Variants in ANKRD16 observed in about 807,000 individuals in gnomAD.
ANKRD16 encodes ankyrin repeat domain-containing protein 16.
In ANKRD16, 35 loss-of-function variants were observed where a neutral mutation model predicts 37.9. The observed-to-expected ratio is 0.92, with a 90% CI of 0.71 to 1.23. The LOEUF is 1.23. ANKRD16 is among the 50% of genes most tolerant of loss of function. The pLI is 0.00. For synonymous variants in ANKRD16, 206 were observed against 197.2 expected (o/e 1.04, Z -0.37); for missense variants, 480 against 469.9 (o/e 1.02, Z -0.20).
In ANKRD16 at chr10:5,869,916, C is replaced by CA. The variant is rs1186169241; in HGVS notation, c.*34-7226dup. Among the ~76,000 whole-genome samples the CA allele has an allele frequency of 1.3e-5, 2 of 152,248 alleles. No homozygotes were observed. The highest frequency in any genetic ancestry group is 3.9e-4 in the East Asian group (2 of 5,182). The stretch of plus-strand genomic sequence containing the variant: ...CTGCAGTAAGGATCGCATCACTTAG[C>CA]ATGGTATCCAGTAGGTAGTTTTTTT... On this transcript the variant is annotated intron_variant, in intron 7 of 7. Transcript: ENST00000380094. The surrounding 1 kb of genome is among the most constrained non-coding windows in gnomAD (Gnocchi z 4.0).
intron 7 of ANKRD16, among the ~76,000 whole-genome samples, chr10:5,872,585 C>T (rs1300290305): frequency 3.3e-5 from 5 of 152,140 alleles, no homozygotes; most frequent in African/African-American, 1.2e-4. Flanking sequence ...GAGATGGAAT[C>T]TCACTCTGTT....
chr10:5,886,229 G>A (rs910068926), intron 2 of ANKRD16, among the ~76,000 whole-genome samples: 5 of 152,170 alleles, frequency 3.3e-5, no homozygotes, highest in African/African-American at 1.2e-4. Flanking sequence ...CTCCAGGGGA[G>A]AAACTGGTCA....
chr10:5,880,783 G>GCAGCTTTCTGCATGACT (rs1280670931), intron 5 of ANKRD16, among the ~76,000 whole-genome samples: 1 of 152,166 alleles, frequency 6.6e-6, no homozygotes, highest in African/African-American at 2.4e-5. Context: ...AAAAGGAAAG[G>GCAGCTTTCTGCATGACT]CAGCTTTCTG....
rs114139780 is a variant in ANKRD16 at position 5,886,177 on chromosome 10, G to A, written c.536-412C>T. On this transcript the variant is annotated intron_variant, in intron 2 of 7. Coordinates refer to ENST00000380094, the MANE Select transcript of ANKRD16 (RefSeq NM_019046.3). ...CTATACTCAAAGGTTATGACTATTT[G>A]TCTTCCACTATTTTGGGTGAATGAT... 3.7e-3 allele frequency among the ~76,000 whole-genome samples: 571 copies of A among 152,308 alleles called. 4 individuals are homozygous for A. The highest frequency in any genetic ancestry group is 0.013 in the African/African-American group (541 of 41,560).
In ANKRD16 at chr10:5,870,404, CTTTT is replaced by C. The variant is rs771792284; in HGVS notation, c.*33+7689_*33+7692del. On this transcript the variant is annotated intron_variant, in intron 7 of 7. Transcript: ENST00000380094. This position sits in a 1 kb window ranked among gnomAD's most constrained non-coding sequence, Gnocchi z 5.0. ...GCCAGTCCTCATTCCCTCCCTACTG[CTTTT>C]TTTTTTTTTTTTTGAAACAGGGTTT... Among the ~76,000 whole-genome samples the C allele has an allele frequency of 1.5e-5, 2 of 136,950 alleles. No homozygotes were observed. The highest frequency in any genetic ancestry group is 3.2e-5 in the Non-Finnish European group (2 of 62,746). 89.8% of individuals were successfully genotyped at this position (136,950 alleles called of 152,430 possible).
At chr10:5,884,986 T>C (rs1282570653) in intron 3 of ANKRD16, among the ~76,000 whole-genome samples, 3 of 152,156 alleles carry the variant, frequency 2.0e-5, no homozygotes, top group East Asian at 3.8e-4. Flanking sequence ...TGAGATTCTT[T>C]ACTCTTAAGC....
rs554266024 is a variant in ANKRD16, at chr10:5,872,835, C to T, written c.*33+5262G>A. Among the ~76,000 whole-genome samples, 11 of 151,590 alleles carry T rather than the reference C, an allele frequency of 7.3e-5. No homozygotes were observed. The East Asian group carries it at 7.9e-4, about 11-fold the overall frequency. On this transcript the variant is annotated intron_variant, in intron 7 of 7. Coordinates refer to ENST00000380094, the MANE Select transcript of ANKRD16 (RefSeq NM_019046.3). ...CCTCCCAAAGTGCTGGCATTACAGG[C>T]GTGAGCCACCGCGCCCGGCCCTGCA...
chr10:5,888,881 A>C (rs1842513969), intron 1 of ANKRD16, among the ~76,000 whole-genome samples, 160 bp downstream of exon 1: 1 of 152,208 alleles, frequency 6.6e-6, no homozygotes, highest in African/African-American at 2.4e-5. Context: ...CTGCGTTATA[A>C]GGGAAAGTTG....
rs1842001757 is a variant in ANKRD16 at position 5,865,597 on chromosome 10, TC to T, written c.*34-2907del. 6.6e-6 allele frequency among the ~76,000 whole-genome samples: 1 copy of T among 152,216 alleles called. No homozygotes were observed. Among genetic ancestry groups the T allele is most frequent in the Non-Finnish European group, 1.5e-5 (1 of 68,030 alleles). ...TCAAGGTCTGTTACCATCCAAGGAA[TC>T]CTGGGACAGCCTATAACCAGGTATT... On this transcript the variant is annotated intron_variant, in intron 7 of 7. Coordinates refer to ENST00000380094, the MANE Select transcript of ANKRD16 (RefSeq NM_019046.3). This position sits in a 1 kb window ranked among gnomAD's most constrained non-coding sequence, Gnocchi z 4.7.
intron 3 of ANKRD16, among the ~76,000 whole-genome samples, chr10:5,884,905 G>A (rs1460683255): frequency 6.6e-6 from 1 of 152,142 alleles, no homozygotes; most frequent in Non-Finnish European, 1.5e-5. Context: ...TTGCTGTCTG[G>A]AATGGTCCCT....
chr10:5,881,443 T>TAA (rs1564417914), intron 5 of ANKRD16, among the ~76,000 whole-genome samples: 17 of 6,502 alleles, frequency 2.6e-3, no homozygotes, highest in African/African-American at 5.9e-3. Context: ...ATTATTTATA[T>TAA]ATATATATAT....
chr10:5,881,941 C>A (rs1055707516), intron 5 of ANKRD16, among the ~76,000 whole-genome samples: 4 of 152,018 alleles, frequency 2.6e-5, no homozygotes, highest in African/African-American at 9.7e-5. Context: ...CCTGCCTCAG[C>A]CTCCCAAAGT....
intron 4 of ANKRD16, 118 bp downstream of exon 4, chr10:5,883,851 G>A (rs934899902): frequency 9.0e-6 from 7 of 780,546 alleles, no homozygotes; most frequent in Non-Finnish European, 1.4e-5. Context: ...TCCAGAGAGA[G>A]AGTTTGGAGG....
chr10:5,887,627 A>G (rs1173930180), intron 2 of ANKRD16, among the ~76,000 whole-genome samples: 1 of 151,636 alleles, frequency 6.6e-6, no homozygotes, highest in Non-Finnish European at 1.5e-5. Flanking sequence ...CAGGTGATCC[A>G]CCCGCCTCCG....
rs1284226750 is a variant in ANKRD16 at position 5,878,161 on chromosome 10, A to G, written c.1055T>C (p.Leu352Pro). ...CATTGCGCTATGGCCAGAGCCCTGA[A>G]GGACATCTGCTCTCCTTGGGAGCTG... ...AQQLPRRADV[L>P]QGSGHSAMT The change falls in exon 7 of 8, where the codon CTT becomes CCT. Residue 352 changes from leucine to proline, a missense_variant. Coordinates refer to ENST00000380094, the MANE Select transcript of ANKRD16 (RefSeq NM_019046.3). The surrounding 1 kb of genome is among the most constrained non-coding windows in gnomAD (Gnocchi z 5.1). 1 of 1,614,184 alleles carries G rather than the reference A, an allele frequency of 6.2e-7. No homozygotes were observed.
In ANKRD16 at chr10:5,883,070, A is replaced by G. The variant is rs1158413019; in HGVS notation, c.785T>C (p.Leu262Pro). ...DEAIRFLVSE[L>P]GVDVDVRATS... ...GGCTCTCACATCTACATCGACGCCA[A>G]GTTCAGAGACCAAGAATCGGATGGC... The change falls in exon 5 of 8, where the codon CTT becomes CCT. Residue 262 changes from leucine to proline, a missense_variant. By Grantham distance (98) the Leu-to-Pro change is moderately conservative. Coordinates refer to ENST00000380094, the MANE Select transcript of ANKRD16 (RefSeq NM_019046.3). 1.2e-6 allele frequency: 2 copies of G among 1,614,076 alleles called. No homozygotes were observed. Among genetic ancestry groups the G allele is most frequent in the African/African-American group, 2.7e-5 (2 of 74,956 alleles).
At position 5,889,350 on chromosome 10, in the gene ANKRD16, G is replaced by T. The variant is rs1842549024; in HGVS notation, c.5C>A (p.Ala2Asp). ...GAGGCGCCGCGGGTCCCCGGGCTGG[G>T]CCATCGCCGCGGGTCGGGCCGGGCT... M[A>D]QPGDPRRLCR... The change falls in exon 1 of 8, where the codon GCC becomes GAC. Residue 2 changes from alanine to aspartate, a missense_variant. Physicochemically the swap from Ala to Asp is moderately radical, Grantham distance 126. Coordinates refer to ENST00000380094, the MANE Select transcript of ANKRD16 (RefSeq NM_019046.3). 1 of 1,231,560 alleles carries T rather than the reference G, an allele frequency of 8.1e-7. No individual in the cohort carries two copies. Among genetic ancestry groups the T allele is most frequent in the African/African-American group, 1.6e-5 (1 of 63,746 alleles). 76.3% of individuals were successfully genotyped at this position (1,231,560 alleles called of 1,614,324 possible). A position where few individuals can be genotyped will look rare whatever the true frequency, so the allele number is the denominator to read the frequency against.
chr10:5,883,914 T>C, intron 4 of ANKRD16, 55 bp downstream of exon 4: 4 of 1,508,524 alleles, frequency 2.7e-6, no homozygotes, highest in South Asian at 1.2e-5. Context: ...GCTTAACCTG[T>C]GACCTAAAAT....
At chr10:5,888,987 G>C (rs982307796) in intron 1 of ANKRD16, 54 bp downstream of exon 1, 9 of 1,463,720 alleles carry the variant, frequency 6.1e-6, no homozygotes, top group Non-Finnish European at 7.2e-6. Flanking sequence ...CAGGGAACTC[G>C]CTACGACTCT....
Sources: gnomAD v4.1 joint callset for allele counts (sites outside exome capture counted in the v4.1 genomes callset) on GRCh38, gnomAD v4.1.1 for gene constraint, Gnocchi (gnomAD v3.1) non-coding constraint, MANE v1.5 for transcripts, NCBI Gene and HGNC (gene_info 2026-07-23, HGNC 2026-07-21) for gene names.